The following SFMBT2 variants were observed in gnomAD, a reference collection of about 807,000 sequenced individuals.
SFMBT2 encodes scm-like with four MBT domains protein 2.
SFMBT2 carries 38 observed loss-of-function variants against 110.1 expected under a neutral mutation model. The observed-to-expected ratio is 0.35, with a 90% CI of 0.27 to 0.45. The LOEUF (loss-of-function observed/expected upper bound fraction) is 0.45, where lower values mean the gene tolerates loss of function less well. SFMBT2 is among the 20% of genes least tolerant of loss of function. The pLI is 1.00. For synonymous variants in SFMBT2, 425 were observed against 425.4 expected (o/e 1.00, Z 0.01); for missense variants, 1,011 against 1,094.9 (o/e 0.92, Z 1.08).
At position 7,344,891 on chromosome 10, in the gene SFMBT2, G is replaced by A. The variant is rs573906430; in HGVS notation, c.436+22758C>T. Reference sequence around the variant, plus strand: ...AGAGAATGGTGTGAACCCAGGAGACGGAGCTTGCAGTGAGCCGAGATTGCG... The same window carrying A: ...AGAGAATGGTGTGAACCCAGGAGACAGAGCTTGCAGTGAGCCGAGATTGCG... On this transcript the variant is annotated intron_variant, in intron 4 of 20. Coordinates refer to ENST00000397167, the MANE Select transcript of SFMBT2 (RefSeq NM_001387889.1). Among the ~76,000 whole-genome samples the A allele has an allele frequency of 8.7e-5, 13 of 149,570 alleles. No homozygotes were observed. The South Asian group carries it at 2.1e-3, about 24-fold the overall frequency.
intron 4 of SFMBT2, among the ~76,000 whole-genome samples, chr10:7,291,776 T>C (rs559581287): frequency 3.9e-5 from 6 of 152,332 alleles, no homozygotes; most frequent in African/African-American, 1.4e-4. Flanking sequence ...TTCAGTCCAT[T>C]TCTTCAGAGA....
At chr10:7,264,832 T>G (rs1460094831) in intron 7 of SFMBT2, among the ~76,000 whole-genome samples, 1 of 152,016 alleles carries the variant, frequency 6.6e-6, no homozygotes, top group Non-Finnish European at 1.5e-5. Flanking sequence ...ATTCCTCAAG[T>G]TCCTTATATC....
In SFMBT2 at chr10:7,158,935, C is replaced by T. The variant is rs948444961; in HGVS notation, c.*4835G>A. 5 of 152,052 alleles carry T rather than the reference C, an allele frequency of 3.3e-5. No individual in the cohort carries two copies. The highest frequency in any genetic ancestry group is 9.7e-5 in the African/African-American group (4 of 41,378). The allele number at this position is 152,052 out of a possible 1,614,324, so 9.4% of individuals were successfully genotyped here. ...GTGAAAGAGCTTTCAACAATCACGA[C>T]GAGGGATAGTTGATGCTTCCAGAGA... is the stretch of plus-strand genomic sequence containing the variant. On this transcript the variant is annotated 3_prime_UTR_variant, in exon 21 of 21. Coordinates refer to ENST00000397167, the MANE Select transcript of SFMBT2 (RefSeq NM_001387889.1).
chr10:7,324,463 A>G (rs1002679557), intron 4 of SFMBT2, among the ~76,000 whole-genome samples: 3 of 152,132 alleles, frequency 2.0e-5, no homozygotes, highest in Non-Finnish European at 4.4e-5. Context: ...AGCTCCAAAA[A>G]CCAAGAGGTA....
chr10:7,393,067 C>A (rs1845826631), intron 1 of SFMBT2, among the ~76,000 whole-genome samples: 1 of 136,774 alleles, frequency 7.3e-6, no homozygotes, highest in Admixed American at 7.8e-5. Flanking sequence ...GAGTCTTGCT[C>A]CGTCGCCCAG....
chr10:7,367,981 C>T lies in SFMBT2; in HGVS notation c.196-92G>A. 1 of 1,499,332 alleles carries T rather than the reference C, an allele frequency of 6.7e-7. No individual in the cohort carries two copies. The highest frequency in any genetic ancestry group is 9.0e-7 in the Non-Finnish European group (1 of 1,115,354). 92.9% of individuals were successfully genotyped at this position (1,499,332 alleles called of 1,614,324 possible). ...AAACCACTAAAAAATATGGCACTTACAAACAATATTCCTGTTGCTCTAAAA... is the reference window on the plus strand; with the variant it reads ...AAACCACTAAAAAATATGGCACTTATAAACAATATTCCTGTTGCTCTAAAA... On this transcript the variant is annotated intron_variant, in intron 3 of 20. Coordinates refer to ENST00000397167, the MANE Select transcript of SFMBT2 (RefSeq NM_001387889.1). This position sits in a 1 kb window ranked among gnomAD's most constrained non-coding sequence, Gnocchi z 6.2.
intron 11 of SFMBT2, among the ~76,000 whole-genome samples, chr10:7,216,564 T>C (rs1164866465): frequency 2.0e-5 from 3 of 152,310 alleles, no homozygotes; most frequent in African/African-American, 2.4e-5. Flanking sequence ...AGTGGACTAA[T>C]ACAGTGGCTC....
intron 20 of SFMBT2, among the ~76,000 whole-genome samples, chr10:7,169,618 G>T (rs1024175581): frequency 1.3e-5 from 2 of 151,864 alleles, no homozygotes; most frequent in African/African-American, 4.8e-5. Context: ...TTTAACATGA[G>T]GTCTTTGAAC....
Position 7,172,753 on chromosome 10 carries a change from TC to T in SFMBT2, c.1985-93del, listed in dbSNP as rs1837928074. On this transcript the variant is annotated intron_variant, in intron 17 of 20. Transcript: ENST00000397167. This position sits in a 1 kb window ranked among gnomAD's most constrained non-coding sequence, Gnocchi z 4.6. ...GAGAGAAAGAAGGGAAACGATTCTTTCATCTGATAGTTCATTTGTGCCTTAC... is the reference window on the plus strand; with the variant it reads ...GAGAGAAAGAAGGGAAACGATTCTTTATCTGATAGTTCATTTGTGCCTTAC... The T allele has an allele frequency of 2.1e-6, 3 of 1,414,876 alleles. No individual in the cohort carries two copies. Among genetic ancestry groups the T allele is most frequent in the Non-Finnish European group, 2.9e-6 (3 of 1,047,496 alleles). The allele number at this position is 1,414,876 out of a possible 1,614,324, so 87.6% of individuals were successfully genotyped here.
At chr10:7,251,269 T>A (rs1017388093) in intron 7 of SFMBT2, among the ~76,000 whole-genome samples, 1 of 150,016 alleles carries the variant, frequency 6.7e-6, no homozygotes, top group African/African-American at 2.5e-5. Context: ...AGGTCAGGAG[T>A]TCGAGACCAG....
intron 11 of SFMBT2, among the ~76,000 whole-genome samples, chr10:7,220,004 T>C (rs1339301804): frequency 6.6e-6 from 1 of 152,212 alleles, no homozygotes; most frequent in African/African-American, 2.4e-5. Context: ...GAGGAAGAAT[T>C]AAACAACTAC....
At chr10:7,284,723 T>C (rs1181476515) in intron 5 of SFMBT2, 1 of 230,426 alleles carries the variant, frequency 4.3e-6, no homozygotes, top group East Asian at 1.8e-4. Flanking sequence ...ATTAGACTAC[T>C]ATGTAAAATT....
intron 14 of SFMBT2, among the ~76,000 whole-genome samples, chr10:7,199,481 C>A (rs999688359): frequency 6.6e-6 from 1 of 152,086 alleles, no homozygotes; most frequent in African/African-American, 2.4e-5. Context: ...TAGGAACCAG[C>A]AGAGGTAGGA....
intron 4 of SFMBT2, among the ~76,000 whole-genome samples, chr10:7,323,019 C>T (rs1290364884): frequency 6.6e-6 from 1 of 151,948 alleles, no homozygotes; most frequent in Admixed American, 6.6e-5. Flanking sequence ...AAATGTCTAA[C>T]ATGAAGAAAA....
At chr10:7,321,163 G>A (rs947448390) in intron 4 of SFMBT2, among the ~76,000 whole-genome samples, 1 of 151,764 alleles carries the variant, frequency 6.6e-6, no homozygotes, top group African/African-American at 2.4e-5. Context: ...GAAAAGGAGA[G>A]GGTAACCCTA....
intron 4 of SFMBT2, among the ~76,000 whole-genome samples, chr10:7,358,775 C>T (rs1844612936): frequency 6.6e-6 from 1 of 151,676 alleles, no homozygotes; most frequent in Non-Finnish European, 1.5e-5. Context: ...AGAACATCTG[C>T]ATGGCCCTGG....
At chr10:7,187,912 A>G (rs1014864989) in intron 16 of SFMBT2, among the ~76,000 whole-genome samples, 5 of 152,338 alleles carry the variant, frequency 3.3e-5, no homozygotes, top group African/African-American at 1.2e-4. Context: ...TTTGAAACCC[A>G]TAGATGAATA....
intron 7 of SFMBT2, among the ~76,000 whole-genome samples, chr10:7,275,181 C>A (rs769499600): frequency 6.6e-6 from 1 of 152,216 alleles, no homozygotes. Context: ...CCTGGCAGCT[C>A]CGAGGCTTAG....
At chr10:7,321,263 A>G (rs1485906192) in intron 4 of SFMBT2, among the ~76,000 whole-genome samples, 2 of 145,592 alleles carry the variant, frequency 1.4e-5, no homozygotes, top group Non-Finnish European at 1.5e-5. Flanking sequence ...GTGCAGTGGC[A>G]CAATCTCGGC....
Sources: gnomAD v4.1 joint callset for allele counts (sites outside exome capture counted in the v4.1 genomes callset) on GRCh38, gnomAD v4.1.1 for gene constraint, Gnocchi (gnomAD v3.1) non-coding constraint, MANE v1.5 for transcripts, NCBI Gene and HGNC (gene_info 2026-07-23, HGNC 2026-07-21) for gene names.